IQSEC1: variants seen among roughly 807,000 people sequenced by gnomAD.
The protein encoded by IQSEC1 is IQ motif and SEC7 domain-containing protein 1.
In IQSEC1, 31 loss-of-function variants were observed where a neutral mutation model predicts 91.0. The ratio of observed to expected loss-of-function variants is 0.34; its 90% CI spans 0.26 to 0.46. IQSEC1 has a LOEUF of 0.46. Ranked by LOEUF, IQSEC1 falls within the 20% of genes least tolerant of loss-of-function variation. IQSEC1 has a pLI of 1.00. For missense variants in IQSEC1, 1,388 were observed against 1,575.6 expected, an observed-to-expected ratio of 0.88 and a Z score of 2.02; for synonymous variants, 699 against 662.6, an observed-to-expected ratio of 1.05 and a Z score of -0.84.
chr3:13,110,467 T>C (rs1706225347), intron 2 of IQSEC1, among the ~76,000 whole-genome samples: 1 of 152,068 alleles, frequency 6.6e-6, no homozygotes, highest in Non-Finnish European at 1.5e-5. Context: ...TGCATGCCTG[T>C]AATCCCAACT....
At chr3:13,165,578 G>GTGTGTGTGTGTGTGTGTGTCTGTC (rs1377649445) in intron 1 of IQSEC1, among the ~76,000 whole-genome samples, 73 of 105,712 alleles carry the variant, frequency 6.9e-4, no homozygotes, top group Non-Finnish European at 1.1e-3. Flanking sequence ...GTGTGTGTGT[G>GTGTGTGTGTGTGTGTGTGTCTGTC]TGTCTGTCTG....
intron 1 of IQSEC1, among the ~76,000 whole-genome samples, chr3:13,196,745 T>TGTGC (rs1266120744): frequency 1.7e-5 from 2 of 114,880 alleles, no homozygotes; most frequent in Non-Finnish European, 3.7e-5. Context: ...TGTACATGTG[T>TGTGC]GTGCGTGTGT....
At chr3:13,052,952 C>G in intron 1 of IQSEC1, 1 of 1,123,148 alleles carries the variant, frequency 8.9e-7, no homozygotes, top group Non-Finnish European at 1.3e-6. Flanking sequence ...TGTGTGCCAT[C>G]TCATGTGCAA....
intron 1 of IQSEC1, among the ~76,000 whole-genome samples, chr3:13,272,209 G>C (rs568965305): frequency 1.3e-5 from 2 of 152,076 alleles, no homozygotes; most frequent in African/African-American, 2.4e-5. Flanking sequence ...CCCTTGCTTT[G>C]TTTTGCCTCA....
At chr3:13,039,208 T>A (rs1193248949) in intron 1 of IQSEC1, among the ~76,000 whole-genome samples, 5 of 152,236 alleles carry the variant, frequency 3.3e-5, no homozygotes, top group African/African-American at 1.2e-4. Context: ...TATAGAGGCA[T>A]CTCCCCACAA....
intron 1 of IQSEC1, among the ~76,000 whole-genome samples, chr3:12,986,018 G>A (rs752347370): frequency 3.9e-5 from 6 of 152,168 alleles, no homozygotes; most frequent in Non-Finnish European, 5.9e-5. Flanking sequence ...CTTGCCTGTT[G>A]GGCCATGTTT....
At chr3:13,064,292 G>A (rs79028060) in intron 1 of IQSEC1, among the ~76,000 whole-genome samples, 9,191 of 152,142 alleles carry the variant, frequency 0.06, 374 homozygotes, top group Non-Finnish European at 0.084. Context: ...CCAGCACCCC[G>A]CTCCTTAAAT....
Position 12,947,242 on chromosome 3 carries a change from C to G in IQSEC1, c.24-5377G>C, listed in dbSNP as rs565392369. ...AATACCCGACGTGATGAAGTACACT[C>G]TCATGTGGTTAGGGCTGCTTAGGAG... is the stretch of plus-strand genomic sequence containing the variant. On this transcript the variant is annotated intron_variant, in intron 1 of 13. Transcript: ENST00000613206. Among the ~76,000 whole-genome samples, 4 of 152,322 alleles carry G rather than the reference C, an allele frequency of 2.6e-5. No homozygotes were observed. The East Asian group carries it at 7.7e-4, about 29-fold the overall frequency.
At chr3:13,119,911 T>A (rs1706396523) in intron 2 of IQSEC1, among the ~76,000 whole-genome samples, 1 of 152,148 alleles carries the variant, frequency 6.6e-6, no homozygotes, top group African/African-American at 2.4e-5. Context: ...ACACTCTGCC[T>A]CACTCAGCCC....
chr3:13,123,360 C>A (rs1706454789), intron 2 of IQSEC1, among the ~76,000 whole-genome samples: 1 of 152,228 alleles, frequency 6.6e-6, no homozygotes, highest in Non-Finnish European at 1.5e-5. Flanking sequence ...ACATTAACAG[C>A]CCCACTGAAG....
In IQSEC1 at chr3:12,935,477, G is replaced by A. The variant is rs1322338265; in HGVS notation, c.1539C>T (p.His513=). Residue 513 remains histidine (H), a synonymous_variant, in exon 3 of 14, where the codon CAC becomes CAT. Transcript: ENST00000613206. This position sits in a 1 kb window ranked among gnomAD's most constrained non-coding sequence, Gnocchi z 8.0. ...AFSNDVIRKR[H]YRIGLNLFNK... ...TGAAGAGGTTCAGGCCGATGCGGTA[G>A]TGCCTCTTGCGGATGACATCGTTGC... 1 of 1,613,550 alleles carries A rather than the reference G, an allele frequency of 6.2e-7. No homozygotes were observed. The highest frequency in any genetic ancestry group is 1.7e-5 in the Admixed American group (1 of 60,010).
intron 1 of IQSEC1, among the ~76,000 whole-genome samples, chr3:13,016,388 C>T (rs576422533): frequency 2.0e-4 from 31 of 152,360 alleles, no homozygotes; most frequent in Admixed American, 1.9e-3. Flanking sequence ...GCCTTCCCTG[C>T]CCCCAACGCC....
chr3:12,958,828 G>A (rs1165144441), intron 1 of IQSEC1, among the ~76,000 whole-genome samples: 1 of 152,234 alleles, frequency 6.6e-6, no homozygotes, highest in Non-Finnish European at 1.5e-5. Flanking sequence ...CTCATACTGA[G>A]GACAGTGGCT....
chr3:12,986,979 A>G (rs1330416558), intron 1 of IQSEC1: 5 of 439,772 alleles, frequency 1.1e-5, no homozygotes, highest in South Asian at 8.0e-5. Flanking sequence ...ACCTTGGTCC[A>G]GTGCTGTGGG....
intron 9 of IQSEC1, 104 bp downstream of exon 9, chr3:12,913,324 C>T (rs1252651100): frequency 3.1e-6 from 4 of 1,283,910 alleles, no homozygotes; most frequent in Non-Finnish European, 4.3e-6. Flanking sequence ...CTCCCTTTTG[C>T]ACCCCCACAT....
intron 2 of IQSEC1, among the ~76,000 whole-genome samples, chr3:12,939,759 G>C (rs1698580613): frequency 6.6e-6 from 1 of 152,194 alleles, no homozygotes; most frequent in African/African-American, 2.4e-5. Context: ...TCCTTAGAGA[G>C]GTCTTCCCAA....
chr3:13,230,074 A>C (rs532894096), intron 1 of IQSEC1, among the ~76,000 whole-genome samples: 7 of 152,336 alleles, frequency 4.6e-5, no homozygotes, highest in African/African-American at 1.7e-4. Flanking sequence ...ATTTCTCAAC[A>C]TGAGCTCTAT....
intron 1 of IQSEC1, among the ~76,000 whole-genome samples, chr3:13,194,218 G>A (rs1005974471): frequency 4.6e-5 from 7 of 152,166 alleles, no homozygotes; most frequent in African/African-American, 1.7e-4. Context: ...ATTTGGGGGT[G>A]TGTAACTCAG....
At chr3:13,252,062 A>G (rs939556570) in intron 1 of IQSEC1, among the ~76,000 whole-genome samples, 1 of 152,190 alleles carries the variant, frequency 6.6e-6, no homozygotes, top group African/African-American at 2.4e-5. Context: ...AAAACGTATC[A>G]TCTTACTCAT....
Sources: gnomAD v4.1 joint callset for allele counts (sites outside exome capture counted in the v4.1 genomes callset) on GRCh38, gnomAD v4.1.1 for gene constraint, Gnocchi (gnomAD v3.1) non-coding constraint, MANE v1.5 for transcripts, NCBI Gene and HGNC (gene_info 2026-07-23, HGNC 2026-07-21) for gene names.